Variants in CLMP observed in about 807,000 individuals in gnomAD.
CLMP encodes the protein CXADR like cell adhesion molecule, also known as CXADR-like membrane protein.
CLMP carries 27 observed loss-of-function variants against 45.2 expected under a neutral mutation model. The observed-to-expected ratio is 0.60, with a 90% CI of 0.44 to 0.82. The LOEUF (loss-of-function observed/expected upper bound fraction) is 0.82. CLMP is among the 40% of genes least tolerant of loss of function. The pLI, the probability that CLMP is intolerant of heterozygous loss-of-function variation, is 0.00. For synonymous variants in CLMP, 167 were observed against 171.4 expected (o/e 0.97, Z 0.20); for missense variants, 403 against 448.4 (o/e 0.90, Z 0.91).
At chr11:123,141,479 C>T (rs572920576) in intron 1 of CLMP, among the ~76,000 whole-genome samples, 6 of 152,028 alleles carry the variant, frequency 3.9e-5, no homozygotes, top group South Asian at 2.1e-4. Context: ...CCACCGCGCC[C>T]GGCCAGGCAT....
chr11:123,135,807 T>A, intron 1 of CLMP: 1 of 338,576 alleles, frequency 3.0e-6, no homozygotes, highest in Non-Finnish European at 5.9e-6. Context: ...ATTTTCCAGC[T>A]AGTTGTTTCT....
intron 1 of CLMP, among the ~76,000 whole-genome samples, chr11:123,164,085 C>G (rs1861523834): frequency 6.6e-6 from 1 of 152,122 alleles, no homozygotes; most frequent in South Asian, 2.1e-4. Context: ...AGTGTTTGCT[C>G]TGTTCCAGGG....
intron 1 of CLMP, among the ~76,000 whole-genome samples, chr11:123,143,966 T>C (rs1376200861): frequency 2.0e-4 from 31 of 152,032 alleles, no homozygotes; most frequent in Admixed American, 2.0e-4. Flanking sequence ...GCACCACCAC[T>C]CTTGGCTAAG....
chr11:123,164,884 G>A (rs1457765552), intron 1 of CLMP, among the ~76,000 whole-genome samples: 3 of 152,126 alleles, frequency 2.0e-5, no homozygotes, highest in Admixed American at 6.6e-5. Flanking sequence ...GTTAGGAAAA[G>A]TGACCTTAGA....
At chr11:123,127,939 AG>A (rs1860922465) in intron 1 of CLMP, among the ~76,000 whole-genome samples, 1 of 150,832 alleles carries the variant, frequency 6.6e-6, no homozygotes, top group African/African-American at 2.4e-5. Flanking sequence ...CAGGAGGCTG[AG>A]GCAGGAGAAT....
At chr11:123,076,920 T>C (rs748387165) in intron 5 of CLMP, among the ~76,000 whole-genome samples, 1 of 151,832 alleles carries the variant, frequency 6.6e-6, no homozygotes, top group Non-Finnish European at 1.5e-5. Context: ...ATGAAAGTAA[T>C]GTATATAGAA....
At chr11:123,142,207 A>G (rs959752234) in intron 1 of CLMP, among the ~76,000 whole-genome samples, 1 of 151,932 alleles carries the variant, frequency 6.6e-6, no homozygotes, top group African/African-American at 2.4e-5. Context: ...TTGGTTTCAA[A>G]CTTCTGAGCT....
intron 1 of CLMP, among the ~76,000 whole-genome samples, chr11:123,182,506 T>C (rs1392106458): frequency 6.6e-6 from 1 of 152,222 alleles, no homozygotes; most frequent in Non-Finnish European, 1.5e-5. Flanking sequence ...GGAAAACATG[T>C]AGTCTTGGAA....
At chr11:123,193,035 A>G (rs1257287728) in intron 1 of CLMP, 1 of 152,212 alleles carries the variant, frequency 6.6e-6, no homozygotes, top group Non-Finnish European at 1.5e-5. Flanking sequence ...TCACGCTGAC[A>G]TCTTACATTC....
chr11:123,136,194 C>T, intron 1 of CLMP: 2 of 639,258 alleles, frequency 3.1e-6, no homozygotes, highest in Non-Finnish European at 3.0e-6. Flanking sequence ...AACAAAAATC[C>T]TGCAAACCAG....
chr11:123,097,077 CCTGGGCT>C (rs1332294659), intron 2 of CLMP, among the ~76,000 whole-genome samples: 3 of 152,068 alleles, frequency 2.0e-5, no homozygotes, highest in Admixed American at 6.6e-5. Flanking sequence ...GTCTTGAACT[CCTGGGCT>C]CAAGCAGTTC....
chr11:123,120,042 A>G (rs886384252), intron 1 of CLMP, among the ~76,000 whole-genome samples: 6 of 152,180 alleles, frequency 3.9e-5, no homozygotes, highest in Non-Finnish European at 8.8e-5. Context: ...GGGTTTTGGT[A>G]TAAGACTTTT....
intron 1 of CLMP, among the ~76,000 whole-genome samples, chr11:123,150,480 A>AAAGAAAGAAAGGAAGAAAGGAAGG (rs764502298): frequency 9.8e-5 from 4 of 40,960 alleles, no homozygotes; most frequent in Admixed American, 2.7e-4. Context: ...AGAAAGAAAG[A>AAAGAAAGAAAGGAAGAAAGGAAGG]AAGGAAGGAA....
intron 1 of CLMP, among the ~76,000 whole-genome samples, chr11:123,165,688 G>A (rs1040556022): frequency 6.6e-6 from 1 of 152,086 alleles, no homozygotes; most frequent in Admixed American, 6.6e-5. Context: ...AATTCACCGA[G>A]CCAGCTTCAA....
chr11:123,088,129 C>T (rs183102733), intron 2 of CLMP, among the ~76,000 whole-genome samples: 10 of 152,106 alleles, frequency 6.6e-5, no homozygotes, highest in Admixed American at 2.6e-4. Context: ...AGGCTGGTCT[C>T]GAACTCCTGA....
intron 1 of CLMP, among the ~76,000 whole-genome samples, chr11:123,124,473 T>C (rs2135502667): frequency 6.6e-6 from 1 of 152,332 alleles, no homozygotes; most frequent in East Asian, 1.9e-4. Flanking sequence ...CATTAGGTAG[T>C]TGGATGTATT....
At chr11:123,138,164 G>T (rs1861104718) in intron 1 of CLMP, among the ~76,000 whole-genome samples, 1 of 152,002 alleles carries the variant, frequency 6.6e-6, no homozygotes, top group Non-Finnish European at 1.5e-5. Context: ...GAGGGGTGAG[G>T]CAAATTCATT....
chr11:123,074,196 A>G (rs1200473663), intron 6 of CLMP, among the ~76,000 whole-genome samples: 1 of 131,074 alleles, frequency 7.6e-6, no homozygotes, highest in Non-Finnish European at 1.6e-5. Context: ...TTTTTTTGAG[A>G]CATGCTCTTT....
chr11:123,094,938 T>C (rs1865972587), intron 2 of CLMP, among the ~76,000 whole-genome samples: 1 of 152,086 alleles, frequency 6.6e-6, no homozygotes, highest in South Asian at 2.1e-4. Context: ...GCCAGGCTCT[T>C]TGTAAAAAAT....
Sources: gnomAD v4.1 joint callset for allele counts (sites outside exome capture counted in the v4.1 genomes callset) on GRCh38, gnomAD v4.1.1 for gene constraint, MANE v1.5 for transcripts, NCBI Gene and HGNC (gene_info 2026-07-23, HGNC 2026-07-21) for gene names.